Variants in NTRK2 observed in about 807,000 individuals in gnomAD.
The protein encoded by NTRK2 is BDNF/NT-3 growth factors receptor.
Under a neutral mutation model 94.5 loss-of-function variants are expected in NTRK2, and 13 were observed. That is an observed-to-expected ratio of 0.14 (90% confidence interval 0.09 to 0.22). NTRK2 has a LOEUF of 0.22. Among genes scored for constraint, NTRK2 ranks in the 10% least tolerant of loss-of-function variants. The pLI, the probability that NTRK2 is intolerant of heterozygous loss-of-function variation, is 1.00. For synonymous variants in NTRK2, 372 were observed against 407.4 expected (o/e 0.91, Z 1.05); for missense variants, 639 against 1,071.2 (o/e 0.60, Z 5.63).
At chr9:84,823,737 A>G (rs1231864719) in intron 12 of NTRK2, among the ~76,000 whole-genome samples, 1 of 152,132 alleles carries the variant, frequency 6.6e-6, no homozygotes, top group African/African-American at 2.4e-5. Flanking sequence ...GAAATTTTCT[A>G]GTTTTTAAAT....
At chr9:84,771,589 G>A (rs1158437308) in intron 12 of NTRK2, among the ~76,000 whole-genome samples, 2 of 152,168 alleles carry the variant, frequency 1.3e-5, no homozygotes, top group Admixed American at 6.5e-5. Context: ...TCTGTATGGT[G>A]AAGTCATCAG....
intron 14 of NTRK2, among the ~76,000 whole-genome samples, chr9:84,901,204 GTTTTATTTTA>G (rs56826522): frequency 7.2e-6 from 1 of 138,272 alleles, no homozygotes; most frequent in African/African-American, 2.7e-5. Context: ...GTTTTGTTTT[GTTTTATTTTA>G]TTTTATTTTA....
chr9:84,724,413 G>A (rs1030170125), intron 8 of NTRK2, 57 bp downstream of exon 8: 24 of 1,608,444 alleles, frequency 1.5e-5, no homozygotes, highest in African/African-American at 4.0e-5. Context: ...ACGTACCTAC[G>A]TTTGTTGCTG....
intron 8 of NTRK2, among the ~76,000 whole-genome samples, chr9:84,726,942 T>C (rs1243924602): frequency 1.3e-5 from 2 of 152,176 alleles, no homozygotes; most frequent in African/African-American, 4.8e-5. Flanking sequence ...TATCTAAAGT[T>C]GAAATAATCC....
chr9:84,879,347 C>T (rs1466665287), intron 14 of NTRK2, among the ~76,000 whole-genome samples: 1 of 151,978 alleles, frequency 6.6e-6, no homozygotes, highest in East Asian at 1.9e-4. Context: ...TGCTTTTGTC[C>T]CCCACATTTG....
chr9:84,926,143 TTCCTTCCTTCCTTC>T, intron 14 of NTRK2, among the ~76,000 whole-genome samples: 1 of 80,178 alleles, frequency 1.2e-5, no homozygotes, highest in African/African-American at 4.0e-5. Context: ...CCTTCCTTCC[TTCCTTCCTTCCTTC>T]CTTCCTTCCT....
intron 13 of NTRK2, among the ~76,000 whole-genome samples, chr9:84,864,950 A>G (rs1303434698): frequency 6.6e-6 from 1 of 151,866 alleles, no homozygotes. Context: ...CATGGCGGCC[A>G]GGCTGGTCTC....
intron 17 of NTRK2, among the ~76,000 whole-genome samples, chr9:85,007,098 T>C (rs1425073499): frequency 6.6e-6 from 1 of 152,256 alleles, no homozygotes; most frequent in Non-Finnish European, 1.5e-5. Flanking sequence ...ATCTAGAGGC[T>C]GGAGGAAATA....
At chr9:84,676,941 G>A (rs2059095794) in intron 2 of NTRK2, among the ~76,000 whole-genome samples, 1 of 137,774 alleles carries the variant, frequency 7.3e-6, no homozygotes, top group Admixed American at 7.9e-5. Flanking sequence ...TATATTTTCT[G>A]TTTAGCTTAC....
chr9:84,874,152 A>G, intron 14 of NTRK2: 1 of 1,065,084 alleles, frequency 9.4e-7, no homozygotes, highest in Non-Finnish European at 1.1e-6. Context: ...TTGGTTTCGG[A>G]TTGGCCACTC....
intron 12 of NTRK2, among the ~76,000 whole-genome samples, chr9:84,754,698 A>AGG (rs1564195314): frequency 6.6e-6 from 1 of 152,116 alleles, no homozygotes; most frequent in East Asian, 1.9e-4. Flanking sequence ...CACCATGTGA[A>AGG]AGGCTTGTGG....
At chr9:84,711,385 C>T (rs1158165154) in intron 6 of NTRK2, among the ~76,000 whole-genome samples, 2 of 152,206 alleles carry the variant, frequency 1.3e-5, no homozygotes, top group Non-Finnish European at 2.9e-5. Flanking sequence ...TCATCTCCAA[C>T]ATTTAAAAGG....
chr9:84,904,923 G>A lies in NTRK2; in HGVS notation c.1634-29239G>A, dbSNP rs192269721. On this transcript the variant is annotated intron_variant, in intron 14 of 18. Transcript: ENST00000277120. Reference sequence around the variant, plus strand: ...TCTCCTTTATACTAATATTTTTCTTGCCTTACATATGTTCGTCAACTCTTG... The same window carrying A: ...TCTCCTTTATACTAATATTTTTCTTACCTTACATATGTTCGTCAACTCTTG... Among the ~76,000 whole-genome samples the A allele has an allele frequency of 1.5e-3, 221 of 152,022 alleles. 1 individual carries two copies. The highest frequency in any genetic ancestry group is 5.1e-3 in the African/African-American group (212 of 41,446).
chr9:84,677,271 A>G (rs1238825901), intron 2 of NTRK2, among the ~76,000 whole-genome samples: 1 of 152,088 alleles, frequency 6.6e-6, no homozygotes, highest in Non-Finnish European at 1.5e-5. Flanking sequence ...GAGAGTACTT[A>G]TTATTCCCCG....
intron 4 of NTRK2, among the ~76,000 whole-genome samples, chr9:84,703,456 T>G (rs2060853486): frequency 6.6e-6 from 1 of 152,232 alleles, no homozygotes; most frequent in Non-Finnish European, 1.5e-5. Flanking sequence ...CCTCTCCATG[T>G]TCTTACAATA....
chr9:84,988,420 C>T (rs1013353247), intron 17 of NTRK2, among the ~76,000 whole-genome samples: 6 of 152,112 alleles, frequency 3.9e-5, no homozygotes, highest in Non-Finnish European at 7.4e-5. Flanking sequence ...GGAACTTAAT[C>T]TATAAATTTC....
At chr9:84,684,510 G>C (rs2059592667) in intron 2 of NTRK2, among the ~76,000 whole-genome samples, 1 of 152,202 alleles carries the variant, frequency 6.6e-6, no homozygotes, top group South Asian at 2.1e-4. Flanking sequence ...TTGTAGATGT[G>C]TGATGTTATT....
intron 12 of NTRK2, among the ~76,000 whole-genome samples, chr9:84,855,633 A>G (rs1175417067): frequency 6.6e-6 from 1 of 150,908 alleles, no homozygotes; most frequent in Non-Finnish European, 1.5e-5. Flanking sequence ...GCTCTCTATA[A>G]TGGTAAGTAA....
intron 17 of NTRK2, among the ~76,000 whole-genome samples, chr9:84,977,153 T>C (rs1326493624): frequency 6.6e-6 from 1 of 152,280 alleles, no homozygotes; most frequent in Non-Finnish European, 1.5e-5. Flanking sequence ...ATAACCTTGT[T>C]TTATGTACGT....
Sources: gnomAD v4.1 joint callset for allele counts (sites outside exome capture counted in the v4.1 genomes callset) on GRCh38, gnomAD v4.1.1 for gene constraint, MANE v1.5 for transcripts, NCBI Gene and HGNC (gene_info 2026-07-23, HGNC 2026-07-21) for gene names.